The following ATG7 variants were observed in gnomAD, a reference collection of about 807,000 sequenced individuals.
ATG7 encodes the protein ubiquitin-like modifier-activating enzyme ATG7.
ATG7 carries 70 observed loss-of-function variants against 82.4 expected under a neutral mutation model. The observed-to-expected ratio is 0.85, with a 90% CI of 0.70 to 1.04. The LOEUF (loss-of-function observed/expected upper bound fraction) is 1.04, where lower values mean the gene tolerates loss of function less well. ATG7 is among the 50% of genes least tolerant of loss of function. ATG7 has a pLI of 0.00. For missense variants in ATG7, 792 were observed against 864.3 expected (o/e 0.92, Z 1.05); for synonymous variants, 287 against 313.0 (o/e 0.92, Z 0.88).
intron 20 of ATG7, among the ~76,000 whole-genome samples, chr3:11,505,363 C>T (rs2091639011): frequency 1.3e-5 from 2 of 152,284 alleles, no homozygotes; most frequent in African/African-American, 4.8e-5. Context: ...AGGATATAGT[C>T]ACACTTAAGT....
chr3:11,506,166 G>A (rs769549277), intron 20 of ATG7, among the ~76,000 whole-genome samples: 4 of 152,132 alleles, frequency 2.6e-5, no homozygotes, highest in Non-Finnish European at 2.9e-5. Flanking sequence ...GTACGTTTGT[G>A]TATTAGTTAA....
At chr3:11,287,077 T>TC (rs1243463499) in intron 3 of ATG7, among the ~76,000 whole-genome samples, 3 of 152,184 alleles carry the variant, frequency 2.0e-5, no homozygotes, top group Non-Finnish European at 4.4e-5. Flanking sequence ...ATAAAAGGTT[T>TC]CTAAAATTCA....
intron 11 of ATG7, 111 bp downstream of exon 11, chr3:11,333,204 C>A: frequency 7.4e-7 from 1 of 1,346,328 alleles, no homozygotes; most frequent in Non-Finnish European, 9.7e-7. Flanking sequence ...GAGAAAAGTA[C>A]AACTTGTACC....
intron 20 of ATG7, among the ~76,000 whole-genome samples, chr3:11,512,433 A>G (rs576013713): frequency 2.6e-5 from 4 of 152,308 alleles, no homozygotes; most frequent in African/African-American, 9.6e-5. Flanking sequence ...TGGTTCTGTC[A>G]TTGCACAGGA....
chr3:11,413,837 AG>A (rs2081136182), intron 19 of ATG7, among the ~76,000 whole-genome samples: 1 of 152,224 alleles, frequency 6.6e-6, no homozygotes, highest in South Asian at 2.1e-4. Context: ...AGAACTCACC[AG>A]TGGAACCATC....
rs553858437 is a variant in ATG7 at position 11,496,525 on chromosome 3, A to C, written c.2080-58286A>C. Among the ~76,000 whole-genome samples, 44 of 152,274 alleles carry C rather than the reference A, an allele frequency of 2.9e-4. No homozygotes were observed. In the South Asian group the frequency reaches 8.5e-3, roughly 29 times the overall value. ...TTCTCTGAGGGCTGCTGAGGCTGGG[A>C]CTTTGTGTCCTCGCTGGACCAGTGC... On this transcript the variant is annotated intron_variant, in intron 20 of 20. Transcript: ENST00000693202.
chr3:11,427,623 C>G lies in ATG7; in HGVS notation c.2079+697C>G, dbSNP rs140920220. Among the ~76,000 whole-genome samples the G allele has an allele frequency of 5.8e-3, 879 of 151,860 alleles. 30 individuals are homozygous for G. The highest frequency in any genetic ancestry group is 0.041 in the Admixed American group (629 of 15,236). On this transcript the variant is annotated intron_variant, in intron 20 of 20. Coordinates refer to ENST00000693202, the MANE Select transcript of ATG7 (RefSeq NM_001349232.2). Reference sequence around the variant, plus strand: ...ACAAGGTCAGGAGTTTGAGACCAGCCTGGCCAACATAGTGAAACCGTGTCT... The same window carrying G: ...ACAAGGTCAGGAGTTTGAGACCAGCGTGGCCAACATAGTGAAACCGTGTCT...
intron 20 of ATG7, among the ~76,000 whole-genome samples, chr3:11,493,569 T>A: frequency 6.6e-6 from 1 of 152,046 alleles, no homozygotes; most frequent in South Asian, 2.1e-4. Context: ...CTGCCTAGAG[T>A]TTCTCTGCCT....
At chr3:11,429,048 T>C (rs1034013383) in intron 20 of ATG7, among the ~76,000 whole-genome samples, 1 of 152,254 alleles carries the variant, frequency 6.6e-6, no homozygotes, top group Non-Finnish European at 1.5e-5. Flanking sequence ...TTTCCTCTAC[T>C]AAATTATATC....
chr3:11,382,485 G>A (rs2077984077), intron 19 of ATG7, among the ~76,000 whole-genome samples: 1 of 152,196 alleles, frequency 6.6e-6, no homozygotes. Flanking sequence ...TTGAAGGATG[G>A]TGGGGAGAGG....
At chr3:11,531,642 G>A (rs2092696421) in intron 20 of ATG7, among the ~76,000 whole-genome samples, 1 of 152,134 alleles carries the variant, frequency 6.6e-6, no homozygotes, top group African/African-American at 2.4e-5. Context: ...GATGCCAAGG[G>A]AGTTGGATTG....
intron 5 of ATG7, among the ~76,000 whole-genome samples, chr3:11,300,034 C>T (rs1252162626): frequency 6.6e-6 from 1 of 151,750 alleles, no homozygotes; most frequent in Non-Finnish European, 1.5e-5. Flanking sequence ...AAGCTTTTCT[C>T]GTGCCTTAGC....
chr3:11,287,956 T>C (rs1481537330), intron 3 of ATG7, among the ~76,000 whole-genome samples: 1 of 152,240 alleles, frequency 6.6e-6, no homozygotes, highest in African/African-American at 2.4e-5. Context: ...GTGGATCAAG[T>C]CCTGCCCGAG....
At chr3:11,402,579 C>T (rs2079942415) in intron 19 of ATG7, among the ~76,000 whole-genome samples, 1 of 152,168 alleles carries the variant, frequency 6.6e-6, no homozygotes, top group Non-Finnish European at 1.5e-5. Flanking sequence ...CCTCCTTATA[C>T]ATTCATTAAC....
At chr3:11,276,520 C>T (rs528381983) in intron 1 of ATG7, among the ~76,000 whole-genome samples, 1 of 152,142 alleles carries the variant, frequency 6.6e-6, no homozygotes, top group South Asian at 2.1e-4. Context: ...GAAGAGTTAT[C>T]TAGAGTTGCT....
chr3:11,424,687 A>C (rs2082216076), intron 19 of ATG7, among the ~76,000 whole-genome samples: 1 of 152,154 alleles, frequency 6.6e-6, no homozygotes, highest in Non-Finnish European at 1.5e-5. Flanking sequence ...ACATGGATTT[A>C]AAAGTTAAAG....
intron 20 of ATG7, among the ~76,000 whole-genome samples, chr3:11,513,498 T>C (rs1230355982): frequency 1.3e-5 from 2 of 152,208 alleles, no homozygotes; most frequent in African/African-American, 4.8e-5. Flanking sequence ...GCTAAGCCCC[T>C]CATTGCCTGG....
At chr3:11,304,901 T>C (rs1202004048) in intron 5 of ATG7, among the ~76,000 whole-genome samples, 2 of 152,202 alleles carry the variant, frequency 1.3e-5, no homozygotes, top group Non-Finnish European at 2.9e-5. Flanking sequence ...AGGGGTACGA[T>C]TCAGTGGTTT....
At chr3:11,532,104 T>C (rs1440251934) in intron 20 of ATG7, among the ~76,000 whole-genome samples, 1 of 152,176 alleles carries the variant, frequency 6.6e-6, no homozygotes, top group Non-Finnish European at 1.5e-5. Context: ...TGTAAGGGAC[T>C]GTGGGGCGCT....
Sources: allele counts gnomAD v4.1 joint callset (sites outside exome capture counted in the v4.1 genomes callset), GRCh38; gene constraint gnomAD v4.1.1; transcripts MANE v1.5; gene names NCBI Gene and HGNC (gene_info 2026-07-23, HGNC 2026-07-21).